Variants in ANKRD30A observed in about 807,000 individuals in gnomAD.
The protein encoded by ANKRD30A is ankyrin repeat domain-containing protein 30A.
A neutral mutation model predicts 166.3 loss-of-function variants in ANKRD30A; 170 were observed. That is an observed-to-expected ratio of 1.02 (90% CI 0.90 to 1.16). ANKRD30A has a LOEUF of 1.16. Among genes scored for constraint, ANKRD30A ranks in the 50% most tolerant of loss-of-function variants. The pLI, the probability that ANKRD30A is intolerant of heterozygous loss-of-function variation, is 0.00. For missense variants in ANKRD30A, 1,630 were observed against 1,518.0 expected, an observed-to-expected ratio of 1.07 and a Z score of -1.23; for synonymous variants, 564 against 508.9, an observed-to-expected ratio of 1.11 and a Z score of -1.46.
intron 11 of ANKRD30A, among the ~76,000 whole-genome samples, chr10:37,150,209 G>A (rs1318866454): frequency 3.9e-5 from 6 of 151,956 alleles, no homozygotes; most frequent in South Asian, 2.1e-4. Context: ...CGGGGATCAC[G>A]TCTTTTACTG....
intron 34 of ANKRD30A, among the ~76,000 whole-genome samples, chr10:37,227,715 T>G (rs1843226362): frequency 6.6e-6 from 1 of 151,996 alleles, no homozygotes; most frequent in African/African-American, 2.4e-5. Flanking sequence ...TGTTTCTCTA[T>G]TCAAACCTTT....
chr10:37,217,115 A>T (rs1007879393), intron 32 of ANKRD30A, among the ~76,000 whole-genome samples: 10 of 151,060 alleles, frequency 6.6e-5, no homozygotes, highest in African/African-American at 2.4e-4. Flanking sequence ...GATAAAATAT[A>T]TAATAATCAA....
intron 24 of ANKRD30A, among the ~76,000 whole-genome samples, chr10:37,183,410 A>G (rs1166719210): frequency 6.8e-6 from 1 of 146,446 alleles, no homozygotes; most frequent in South Asian, 2.2e-4. Flanking sequence ...AGAATTTTCA[A>G]AAATGCATAA....
At chr10:37,234,799 T>C (rs571371590), downstream of ANKRD30A, among the ~76,000 whole-genome samples, 3 of 152,324 alleles carry the variant, frequency 2.0e-5, no homozygotes, top group South Asian at 2.1e-4. Flanking sequence ...TGTAGTTATA[T>C]AGATATGTCC....
intron 34 of ANKRD30A, among the ~76,000 whole-genome samples, chr10:37,226,673 T>A (rs1843169035): frequency 6.6e-6 from 1 of 152,052 alleles, no homozygotes; most frequent in South Asian, 2.1e-4. Flanking sequence ...TAAGTTTTTG[T>A]GTTTGCATAT....
chr10:37,224,703 A>G (rs1230929271), intron 34 of ANKRD30A, among the ~76,000 whole-genome samples: 1 of 151,214 alleles, frequency 6.6e-6, no homozygotes, highest in Non-Finnish European at 1.5e-5. Flanking sequence ...CTTTCTCTGC[A>G]TGGTTTTGGA....
chr10:37,204,397 G>A (rs553574567), intron 31 of ANKRD30A, among the ~76,000 whole-genome samples: 89 of 152,228 alleles, frequency 5.8e-4, no homozygotes, highest in African/African-American at 1.9e-3. Flanking sequence ...AATGGTGCTG[G>A]GAAAACTGGC....
rs1323627768 is a variant in ANKRD30A, at chr10:37,193,220, A to C, written c.2576A>C (p.Lys859Thr). ...AGAATGAAAGTTTCTATTCCAACTA[A>C]AGCCTTAGAATTGATGGACATGCAA... ...PCRMKVSIPTKALELMDMQTF... is the reference protein window; with the variant it reads ...PCRMKVSIPTTALELMDMQTF... The change falls in exon 27 of 36, where the codon AAA (lysine) becomes ACA (threonine). Residue 859 changes from lysine to threonine, a missense_variant. Lys to Thr is a moderately conservative substitution (Grantham distance 78, BLOSUM62 -1). Around this residue, in one of 4 missense-constraint regions of ANKRD30A, gnomAD observed 712 missense variants for 629.3 expected, o/e 1.13. Transcript: ENST00000361713. The C allele has an allele frequency of 1.2e-6, 2 of 1,611,950 alleles. No individual in the cohort carries two copies. The highest frequency in any genetic ancestry group is 2.7e-5 in the African/African-American group (2 of 74,802).
At chr10:37,203,546 A>G (rs1841791024) in intron 31 of ANKRD30A, among the ~76,000 whole-genome samples, 1 of 152,160 alleles carries the variant, frequency 6.6e-6, no homozygotes, top group African/African-American at 2.4e-5. Flanking sequence ...ATGGGCAAAA[A>G]CTGGAAGCAT....
chr10:37,198,224 A>G (rs1428043341), intron 29 of ANKRD30A, among the ~76,000 whole-genome samples: 1 of 152,080 alleles, frequency 6.6e-6, no homozygotes. Flanking sequence ...GCGTGGTCAT[A>G]TTTAATATGT....
At chr10:37,162,095 A>C (rs529291431) in intron 15 of ANKRD30A, among the ~76,000 whole-genome samples, 2 of 152,280 alleles carry the variant, frequency 1.3e-5, no homozygotes, top group South Asian at 4.1e-4. Flanking sequence ...AGACAGCTAA[A>C]GTAGAGGATA....
the ANKRD30A span, among the ~76,000 whole-genome samples, chr10:37,249,147 C>T: frequency 6.6e-6 from 1 of 152,128 alleles, no homozygotes; most frequent in Non-Finnish European, 1.5e-5. Context: ...GGCTTCTGAG[C>T]CGGATATTCC....
At position 37,153,780 on chromosome 10, in the gene ANKRD30A, A is replaced by C; in HGVS notation, c.1798+118A>C. The C allele has an allele frequency of 2.2e-6, 3 of 1,379,836 alleles. No homozygotes were observed. The South Asian group carries it at 3.8e-5, about 18-fold the overall frequency. 85.5% of individuals were successfully genotyped at this position (1,379,836 alleles called of 1,614,324 possible). A position where few individuals can be genotyped will look rare whatever the true frequency, so the allele number is the denominator to read the frequency against. Reference sequence around the variant, plus strand: ...TCCTAAATGCAAACCATGGAAAAAAAGAGAAGTGCAATGGTCGTAAGTTGT... The same window carrying C: ...TCCTAAATGCAAACCATGGAAAAAACGAGAAGTGCAATGGTCGTAAGTTGT... On this transcript the variant is annotated intron_variant, in intron 13 of 35. Coordinates refer to ENST00000361713, the MANE Select transcript of ANKRD30A (RefSeq NM_052997.3).
Position 37,153,433 on chromosome 10 carries a change from A to G in ANKRD30A, c.1708-139A>G, listed in dbSNP as rs1173948073. 13 of 1,279,852 alleles carry G rather than the reference A, an allele frequency of 1.0e-5. No homozygotes were observed. In the Admixed American group the frequency reaches 1.1e-4, roughly 11 times the overall value. 79.3% of individuals were successfully genotyped at this position (1,279,852 alleles called of 1,614,324 possible). On this transcript the variant is annotated intron_variant, in intron 12 of 35. Transcript: ENST00000361713. Reference sequence around the variant, plus strand: ...TTCTATCAAAATGTGTTGGTTTTCTATATGTATCTGCACTTAAGTCGAATT... The same window carrying G: ...TTCTATCAAAATGTGTTGGTTTTCTGTATGTATCTGCACTTAAGTCGAATT...
intron 31 of ANKRD30A, among the ~76,000 whole-genome samples, chr10:37,202,071 G>A (rs1471325713): frequency 6.6e-6 from 1 of 152,074 alleles, no homozygotes; most frequent in East Asian, 1.9e-4. Flanking sequence ...GATCTGAGTA[G>A]CTGAGGAGAG....
At chr10:37,149,980 G>T in intron 11 of ANKRD30A, 131 bp downstream of exon 11, 3 of 1,280,178 alleles carry the variant, frequency 2.3e-6, no homozygotes, top group Non-Finnish European at 3.2e-6. Flanking sequence ...GCCAATACTG[G>T]TATTGATGTT....
chr10:37,153,777 A>C (rs1838147230), intron 13 of ANKRD30A, 115 bp downstream of exon 13: 1 of 1,400,852 alleles, frequency 7.1e-7, no homozygotes, highest in Non-Finnish European at 9.8e-7. Flanking sequence ...ACCATGGAAA[A>C]AAAGAGAAGT....
intron 19 of ANKRD30A, among the ~76,000 whole-genome samples, chr10:37,167,877 A>G (rs1839485571): frequency 7.4e-6 from 1 of 135,674 alleles, no homozygotes; most frequent in South Asian, 2.6e-4. Context: ...TCTCAATGAC[A>G]GGACATATTA....
Position 37,158,590 on chromosome 10 carries a change from A to G in ANKRD30A, c.1900+4A>G. 4 of 1,612,094 alleles carry G rather than the reference A, an allele frequency of 2.5e-6. No homozygotes were observed. In the African/African-American group the frequency reaches 5.3e-5, roughly 21 times the overall value. On this transcript the variant is annotated splice_donor_region_variant and intron_variant, in intron 15 of 35. Coordinates refer to ENST00000361713, the MANE Select transcript of ANKRD30A (RefSeq NM_052997.3). ...GACATGCAAACTTTCAAAGCAGGTA[A>G]ATTTTGTAATTTTAATTTTACTCTG...
Sources: allele counts gnomAD v4.1 joint callset (sites outside exome capture counted in the v4.1 genomes callset), GRCh38; gene constraint gnomAD v4.1.1; regional missense constraint gnomAD v4.1.1; transcripts MANE v1.5; gene names NCBI Gene and HGNC (gene_info 2026-07-23, HGNC 2026-07-21).